Variants in CNTNAP2 observed in about 807,000 individuals in gnomAD.
The protein encoded by CNTNAP2 is contactin-associated protein-like 2.
CNTNAP2 carries 98 observed loss-of-function variants against 155.2 expected under a neutral mutation model. That is an observed-to-expected ratio of 0.63 (90% CI 0.54 to 0.75). CNTNAP2 has a LOEUF of 0.75. Ranked by LOEUF, CNTNAP2 falls within the 30% of genes least tolerant of loss-of-function variation. The pLI is 0.00. For synonymous variants in CNTNAP2, 651 were observed against 631.2 expected (o/e 1.03, Z -0.47); for missense variants, 1,727 against 1,688.1 (o/e 1.02, Z -0.40).
intron 20 of CNTNAP2, among the ~76,000 whole-genome samples, chr7:148,242,263 C>A (rs1337923447): frequency 6.6e-6 from 1 of 152,168 alleles, no homozygotes; most frequent in Non-Finnish European, 1.5e-5. Context: ...GCCCAGGTAA[C>A]TGAAGCAGGT....
At position 147,418,646 on chromosome 7, in the gene CNTNAP2, G is replaced by A. The variant is rs113355622; in HGVS notation, c.1670+22866G>A. ...GGGAAACAAGTTCACTTATATTATA[G>A]CATGTTGCTATGGCAAAAGGAAAAA... is the stretch of plus-strand genomic sequence containing the variant. On this transcript the variant is annotated intron_variant, in intron 10 of 23. Transcript: ENST00000361727. Among the ~76,000 whole-genome samples, 326 of 152,316 alleles carry A rather than the reference G, an allele frequency of 2.1e-3. 1 individual carries two copies. The highest frequency in any genetic ancestry group is 7.5e-3 in the African/African-American group (313 of 41,554).
intron 9 of CNTNAP2, among the ~76,000 whole-genome samples, chr7:147,304,444 A>G (rs956587781): frequency 2.4e-4 from 36 of 152,216 alleles, no homozygotes; most frequent in African/African-American, 7.0e-4. Context: ...ATCCATGGCT[A>G]TGAGACAGCA....
chr7:147,063,130 C>T (rs1013571488), intron 4 of CNTNAP2, among the ~76,000 whole-genome samples: 1 of 152,142 alleles, frequency 6.6e-6, no homozygotes, highest in Non-Finnish European at 1.5e-5. Flanking sequence ...GAGACTTCCC[C>T]ATAAGGAACT....
intron 14 of CNTNAP2, among the ~76,000 whole-genome samples, chr7:147,923,825 G>A (rs370307872): frequency 6.6e-6 from 1 of 151,918 alleles, no homozygotes. Context: ...GCCACCATGC[G>A]TAGCCTCCTA....
intron 4 of CNTNAP2, among the ~76,000 whole-genome samples, chr7:147,065,329 T>A (rs1477102345): frequency 1.3e-5 from 2 of 152,206 alleles, no homozygotes; most frequent in Admixed American, 1.3e-4. Context: ...TATTTTGTAT[T>A]CTAAGTCAAG....
At chr7:148,320,376 C>CTTTTTTT (rs67424217) in intron 21 of CNTNAP2, among the ~76,000 whole-genome samples, 10 of 63,384 alleles carry the variant, frequency 1.6e-4, no homozygotes, top group Admixed American at 5.1e-4. Flanking sequence ...ATTTTTTTTT[C>CTTTTTTT]TTTTTTTTTT....
intron 1 of CNTNAP2, among the ~76,000 whole-genome samples, chr7:146,518,081 C>G (rs1307545694): frequency 6.6e-6 from 1 of 151,556 alleles, no homozygotes; most frequent in African/African-American, 2.4e-5. Context: ...TTCCATTCAC[C>G]CTTGCTTTTT....
chr7:147,047,202 G>A (rs1379066516), intron 4 of CNTNAP2, among the ~76,000 whole-genome samples: 1 of 137,952 alleles, frequency 7.2e-6, no homozygotes, highest in Non-Finnish European at 1.5e-5. Flanking sequence ...TCTGCCTCCC[G>A]GGTTCATGCC....
intron 13 of CNTNAP2, among the ~76,000 whole-genome samples, chr7:147,708,001 C>A (rs975662062): frequency 1.3e-5 from 2 of 151,932 alleles, no homozygotes; most frequent in African/African-American, 4.8e-5. Context: ...GGGGAGAGAG[C>A]CAGGACTGGT....
In CNTNAP2 at chr7:147,219,980, G is replaced by A. The variant is rs144406892; in HGVS notation, c.1349-80161G>A. On this transcript the variant is annotated intron_variant, in intron 8 of 23. Coordinates refer to ENST00000361727, the MANE Select transcript of CNTNAP2 (RefSeq NM_014141.6). ...TTTTTTTTGTATTTTTAGTGGAGAC[G>A]GGTTTTCACCGTGTTAGCCAGGATG... Among the ~76,000 whole-genome samples the A allele has an allele frequency of 2.2e-3, 326 of 146,918 alleles. 2 individuals carry two copies. The highest frequency in any genetic ancestry group is 7.9e-3 in the African/African-American group (314 of 39,716).
At chr7:146,592,106 G>C (rs1230429450) in intron 1 of CNTNAP2, among the ~76,000 whole-genome samples, 1 of 152,152 alleles carries the variant, frequency 6.6e-6, no homozygotes, top group Non-Finnish European at 1.5e-5. Context: ...TCCAAATCCG[G>C]CTGTCATGAA....
chr7:147,329,139 C>A (rs1039915300), intron 9 of CNTNAP2, among the ~76,000 whole-genome samples: 1 of 151,012 alleles, frequency 6.6e-6, no homozygotes. Flanking sequence ...GGATTGAGCA[C>A]CCCCCCACAC....
chr7:148,020,322 A>C (rs897241474), intron 15 of CNTNAP2, among the ~76,000 whole-genome samples: 1 of 152,206 alleles, frequency 6.6e-6, no homozygotes, highest in South Asian at 2.1e-4. Flanking sequence ...AAGAAAAACA[A>C]GGGTAATTCA....
chr7:146,505,956 T>C (rs74804104), intron 1 of CNTNAP2, among the ~76,000 whole-genome samples: 10,047 of 152,240 alleles, frequency 0.066, 825 homozygotes, highest in African/African-American at 0.19. Context: ...AAATGTAACT[T>C]ATTTTTCAGG....
chr7:147,179,153 C>T (rs1370398957), intron 8 of CNTNAP2, among the ~76,000 whole-genome samples: 3 of 152,110 alleles, frequency 2.0e-5, no homozygotes, highest in Non-Finnish European at 4.4e-5. Context: ...CCTGTAATTC[C>T]AATAAATTCA....
intron 8 of CNTNAP2, among the ~76,000 whole-genome samples, chr7:147,243,496 C>A (rs905866916): frequency 6.6e-6 from 1 of 152,066 alleles, no homozygotes; most frequent in Admixed American, 6.6e-5. Context: ...TATTCATGAG[C>A]ACAGGTTTTA....
chr7:148,051,507 T>C (rs1003152066), intron 15 of CNTNAP2, among the ~76,000 whole-genome samples: 12 of 151,338 alleles, frequency 7.9e-5, no homozygotes, highest in African/African-American at 2.9e-4. Flanking sequence ...ATTAAAAGAG[T>C]ATGTCACAAA....
At position 146,645,740 on chromosome 7, in the gene CNTNAP2, C is replaced by T. The variant is rs553651583; in HGVS notation, c.98-128531C>T. On this transcript the variant is annotated intron_variant, in intron 1 of 23. Coordinates refer to ENST00000361727, the MANE Select transcript of CNTNAP2 (RefSeq NM_014141.6). The stretch of plus-strand genomic sequence containing the variant: ...AGAGTTATATGTTCTTAAGTCAGAT[C>T]TGTGGAGTCAGGTCTCAACTAAGCT... 2.0e-5 allele frequency among the ~76,000 whole-genome samples: 3 copies of T among 152,086 alleles called. No homozygotes were observed. The East Asian group carries it at 5.8e-4, about 30-fold the overall frequency.
intron 13 of CNTNAP2, among the ~76,000 whole-genome samples, chr7:147,679,702 C>G (rs1357699945): frequency 6.6e-6 from 1 of 151,858 alleles, no homozygotes; most frequent in Non-Finnish European, 1.5e-5. Context: ...GCTAAAGAAT[C>G]TCATGGCTTC....
Sources: gnomAD v4.1 joint callset for allele counts (sites outside exome capture counted in the v4.1 genomes callset) on GRCh38, gnomAD v4.1.1 for gene constraint, MANE v1.5 for transcripts, NCBI Gene and HGNC (gene_info 2026-07-23, HGNC 2026-07-21) for gene names.